ACACA: variants seen among roughly 807,000 people sequenced by gnomAD.
The protein encoded by ACACA is acetyl-CoA carboxylase 1.
A neutral mutation model predicts 296.1 loss-of-function variants in ACACA; 103 were observed. The ratio of observed to expected loss-of-function variants is 0.35; its 90% CI spans 0.30 to 0.41. ACACA has a LOEUF of 0.41. ACACA is among the 10% of genes least tolerant of loss of function. The pLI, the probability that ACACA is intolerant of heterozygous loss-of-function variation, is 1.00. For synonymous variants in ACACA, 953 were observed against 1,038.6 expected (o/e 0.92, Z 1.58); for missense variants, 1,554 against 2,989.7 (o/e 0.52, Z 11.20).
intron 45 of ACACA, among the ~76,000 whole-genome samples, chr17:37,136,865 C>G (rs1369413222): frequency 6.6e-6 from 1 of 152,006 alleles, no homozygotes; most frequent in Non-Finnish European, 1.5e-5. Flanking sequence ...ATCGCTTGAA[C>G]CCGGGAGGTG....
intron 16 of ACACA, among the ~76,000 whole-genome samples, chr17:37,249,033 C>A (rs1462524014): frequency 6.6e-6 from 1 of 152,196 alleles, no homozygotes; most frequent in Non-Finnish European, 1.5e-5. Context: ...CCCCCAGTTC[C>A]TGGTAACCGT....
At chr17:37,391,270 ATACAT>A (rs2050873259) in intron 1 of ACACA, among the ~76,000 whole-genome samples, 2 of 152,182 alleles carry the variant, frequency 1.3e-5, no homozygotes, top group South Asian at 4.1e-4. Context: ...GCAATCTTAT[ATACAT>A]TATCTCATTT....
intron 3 of ACACA, among the ~76,000 whole-genome samples, chr17:37,294,436 G>A (rs1306441460): frequency 6.6e-6 from 1 of 152,172 alleles, no homozygotes; most frequent in African/African-American, 2.4e-5. Flanking sequence ...AACAATAAGT[G>A]TGCATACAAA....
chr17:37,260,674 A>G (rs1393212040), intron 11 of ACACA, among the ~76,000 whole-genome samples: 5 of 152,168 alleles, frequency 3.3e-5, no homozygotes, highest in Non-Finnish European at 5.9e-5. Context: ...TCATTGGAAC[A>G]TAGTCATGAT....
Position 37,087,306 on chromosome 17 carries a change from G to A in ACACA, c.*10C>T, listed in dbSNP as rs2072270839. On this transcript the variant is annotated 3_prime_UTR_variant, in exon 56 of 56. Transcript: ENST00000616317. ...CCAGAGACAGGGCAGGGACAGGCAGGAAGCTCTTCCTACGTGGAAGGGGAA... is the reference window on the plus strand; with the variant it reads ...CCAGAGACAGGGCAGGGACAGGCAGAAAGCTCTTCCTACGTGGAAGGGGAA... 1 of 1,614,152 alleles carries A rather than the reference G, an allele frequency of 6.2e-7. No individual in the cohort carries two copies. Among genetic ancestry groups the A allele is most frequent in the Non-Finnish European group, 8.5e-7 (1 of 1,180,040 alleles).
Position 37,089,213 on chromosome 17 carries a change from A to C in ACACA, c.6892-139T>G, listed in dbSNP as rs1597781882. 1.3e-5 allele frequency: 17 copies of C among 1,294,900 alleles called. No homozygotes were observed. The East Asian group carries it at 3.9e-4, about 30-fold the overall frequency. The allele number at this position is 1,294,900 out of a possible 1,614,324, so 80.2% of individuals were successfully genotyped here. A position where few individuals can be genotyped will look rare whatever the true frequency, so the allele number is the denominator to read the frequency against. On this transcript the variant is annotated intron_variant, in intron 54 of 55. Transcript: ENST00000616317. ...TTCTCCTTCACTGTCAGCATCGTGC[A>C]GGAGGAGGAAGTAGGCCTCGAGGCA...
intron 47 of ACACA, among the ~76,000 whole-genome samples, 174 bp from the exon 48 acceptor site, chr17:37,125,968 A>T (rs1490153109): frequency 6.6e-6 from 1 of 152,216 alleles, no homozygotes; most frequent in Non-Finnish European, 1.5e-5. Context: ...GCCTTCAGAC[A>T]TCATCTCCTA....
chr17:37,205,913 G>A, intron 32 of ACACA, 41 bp from the exon 33 acceptor site: 1 of 1,425,886 alleles, frequency 7.0e-7, no homozygotes, highest in Non-Finnish European at 9.9e-7. Context: ...TATGAGGCTG[G>A]CCAATACAGA....
intron 16 of ACACA, among the ~76,000 whole-genome samples, chr17:37,249,028 A>C (rs762469526): frequency 1.3e-5 from 2 of 152,168 alleles, no homozygotes; most frequent in Non-Finnish European, 2.9e-5. Context: ...CCCTCCCCCC[A>C]GTTCCTGGTA....
intron 1 of ACACA, among the ~76,000 whole-genome samples, chr17:37,390,197 A>C (rs1237479965): frequency 7.4e-5 from 6 of 81,088 alleles, no homozygotes; most frequent in South Asian, 3.1e-4. Context: ...TTATATATAA[A>C]TATATATAAT....
rs950525341 is a variant in ACACA at position 37,391,506 on chromosome 17, A to T, written c.38+14756T>A. 40 of 712,770 alleles carry T rather than the reference A, an allele frequency of 5.6e-5. No homozygotes were observed. The Admixed American group carries it at 6.3e-4, about 11-fold the overall frequency. 44.2% of individuals were successfully genotyped at this position (712,770 alleles called of 1,614,324 possible). ...CACCTTGATCATACTTTCTCAGTGT[A>T]ATTATCGATTAACAAAGAGGCAAAA... On this transcript the variant is annotated intron_variant, in intron 1 of 55. Coordinates refer to ENST00000616317, the MANE Select transcript of ACACA (RefSeq NM_198834.3).
rs997984937 is a variant in ACACA, at chr17:37,104,978, A to G, written c.6565+6553T>C. Among the ~76,000 whole-genome samples, 9 of 150,714 alleles carry G rather than the reference A, an allele frequency of 6.0e-5. No homozygotes were observed. In the South Asian group the frequency reaches 1.9e-3, roughly 32 times the overall value. On this transcript the variant is annotated intron_variant, in intron 52 of 55. Transcript: ENST00000616317. Reference sequence around the variant, plus strand: ...AAAAAAAAAAAAAAGCTAAAGAGAAACTCCCAGAGGAAACGGCTGATTTCT... The same window carrying G: ...AAAAAAAAAAAAAAGCTAAAGAGAAGCTCCCAGAGGAAACGGCTGATTTCT...
At chr17:37,115,238 C>T (rs762115050) in intron 50 of ACACA, among the ~76,000 whole-genome samples, 18 of 152,174 alleles carry the variant, frequency 1.2e-4, no homozygotes, top group African/African-American at 3.6e-4. Context: ...AAGTGCTTTA[C>T]GCTAATTCTG....
intron 1 of ACACA, chr17:37,367,819 A>ATGG (rs2049660849): frequency 6.6e-6 from 1 of 152,174 alleles, no homozygotes; most frequent in Non-Finnish European, 1.5e-5. Context: ...TGCAATCCCA[A>ATGG]CACTGTGAGA....
chr17:37,282,570 G>A (rs1408943997), intron 5 of ACACA, among the ~76,000 whole-genome samples: 1 of 152,058 alleles, frequency 6.6e-6, no homozygotes, highest in Admixed American at 6.6e-5. Context: ...AAAAACATAT[G>A]CAGACTAAAA....
intron 1 of ACACA, among the ~76,000 whole-genome samples, chr17:37,372,111 C>T (rs1184495979): frequency 6.6e-6 from 1 of 151,860 alleles, no homozygotes; most frequent in East Asian, 1.9e-4. Flanking sequence ...TGGCATGCAG[C>T]CTTTAAAAAG....
intron 33 of ACACA, among the ~76,000 whole-genome samples, chr17:37,203,474 T>C (rs986653574): frequency 2.0e-5 from 3 of 151,762 alleles, no homozygotes; most frequent in Non-Finnish European, 4.4e-5. Context: ...CCGGGCGCAG[T>C]GGCTCACGCT....
intron 45 of ACACA, among the ~76,000 whole-genome samples, chr17:37,130,836 C>A (rs2075057854): frequency 6.6e-6 from 1 of 151,988 alleles, no homozygotes; most frequent in Non-Finnish European, 1.5e-5. Context: ...TGACAAGTCT[C>A]AGTTAAAGAA....
chr17:37,198,896 T>C (rs1298409046), intron 35 of ACACA, among the ~76,000 whole-genome samples: 1 of 152,250 alleles, frequency 6.6e-6, no homozygotes, highest in African/African-American at 2.4e-5. Flanking sequence ...GCCATCTTCA[T>C]TGTTGCAAAC....
Sources: gnomAD v4.1 joint callset for allele counts (sites outside exome capture counted in the v4.1 genomes callset) on GRCh38, gnomAD v4.1.1 for gene constraint, MANE v1.5 for transcripts, NCBI Gene and HGNC (gene_info 2026-07-23, HGNC 2026-07-21) for gene names.